MARCO: variants seen among roughly 807,000 people sequenced by gnomAD.
MARCO encodes macrophage receptor MARCO.
In MARCO, 72 loss-of-function variants were observed where a neutral mutation model predicts 70.0. That is an observed-to-expected ratio of 1.03 (90% CI 0.85 to 1.25). The LOEUF (loss-of-function observed/expected upper bound fraction) is 1.25, where lower values mean the gene tolerates loss of function less well. Ranked by LOEUF, MARCO falls within the 50% of genes most tolerant of loss-of-function variation. MARCO has a pLI of 0.00. For missense variants in MARCO, 696 were observed against 659.3 expected (o/e 1.06, Z -0.61); for synonymous variants, 273 against 243.1 (o/e 1.12, Z -1.14).
intron 6 of MARCO, 88 bp downstream of exon 6, chr2:118,974,653 A>G (rs1680244600): frequency 7.8e-7 from 1 of 1,285,476 alleles, no homozygotes; most frequent in Non-Finnish European, 1.1e-6. Context: ...CTCCCTCCAG[A>G]GTCTGGACCT....
At chr2:118,991,323 G>A (rs1002752994) in intron 13 of MARCO, among the ~76,000 whole-genome samples, 2 of 150,994 alleles carry the variant, frequency 1.3e-5, no homozygotes, top group South Asian at 4.2e-4. Context: ...AGTGGTGCCA[G>A]GACAGGATAG....
At chr2:118,982,326 C>A (rs369366689) in intron 11 of MARCO, 22 bp from the exon 12 acceptor site, 9 of 1,613,590 alleles carry the variant, frequency 5.6e-6, no homozygotes, top group Non-Finnish European at 7.6e-6. Context: ...CCCTTATGCT[C>A]TCTGTGGTGT....
At chr2:118,968,980 T>A (rs527424906) in intron 1 of MARCO, among the ~76,000 whole-genome samples, 180 bp from the exon 2 acceptor site, 1 of 152,306 alleles carries the variant, frequency 6.6e-6, no homozygotes, top group South Asian at 2.1e-4. Context: ...CAGTGGCAAT[T>A]TTTGCTTTGT....
chr2:118,953,253 A>T (rs1159607898), intron 1 of MARCO, among the ~76,000 whole-genome samples: 4 of 152,260 alleles, frequency 2.6e-5, no homozygotes, highest in African/African-American at 9.6e-5. Context: ...CAACAGTTAC[A>T]TAGGCTAGGG....
intron 4 of MARCO, among the ~76,000 whole-genome samples, chr2:118,973,082 C>A (rs1680204521): frequency 6.6e-6 from 1 of 152,122 alleles, no homozygotes; most frequent in Admixed American, 6.5e-5. Flanking sequence ...CTCTCCATGT[C>A]TCTCTCTCTG....
At chr2:118,970,435 G>A in intron 3 of MARCO, 97 bp downstream of exon 3, 1 of 931,442 alleles carries the variant, frequency 1.1e-6, no homozygotes, top group Non-Finnish European at 1.6e-6. Context: ...TCCAAGCAAA[G>A]TGTGACCTCC....
At chr2:118,951,759 A>G (rs1679726269) in intron 1 of MARCO, among the ~76,000 whole-genome samples, 1 of 152,206 alleles carries the variant, frequency 6.6e-6, no homozygotes, top group Admixed American at 6.5e-5. Flanking sequence ...TGACTAGGGT[A>G]CAGTTTTCTC....
intron 1 of MARCO, chr2:118,949,314 C>T (rs1179204494): frequency 6.6e-6 from 1 of 152,184 alleles, no homozygotes; most frequent in African/African-American, 2.4e-5. Flanking sequence ...GTTTAAAGTG[C>T]AAACAGAATA....
Position 118,993,159 on chromosome 2 carries a change from A to G in MARCO, c.1288A>G (p.Ser430Gly), listed in dbSNP as rs886329778. 6.2e-7 allele frequency: 1 copy of G among 1,614,124 alleles called. No homozygotes were observed. Among genetic ancestry groups the G allele is most frequent in the African/African-American group, 1.3e-5 (1 of 74,938 alleles). Reference sequence around the variant, plus strand: ...AGTGTCCGTCAGGATTGTCGGCAGTAGTAACCGAGGCCGGGCTGAAGTTTA... The same window carrying G: ...AGTGTCCGTCAGGATTGTCGGCAGTGGTAACCGAGGCCGGGCTGAAGTTTA... ...NSVSVRIVGS[S>G]NRGRAEVYYS... Residue 430 changes from serine to glycine, a missense_variant, in exon 16 of 17, where the codon AGT becomes GGT. Ser to Gly is a moderately conservative substitution (Grantham distance 56, BLOSUM62 0). This residue lies in a region of MARCO where 33 missense variants were observed against 59.6 expected (regional missense o/e 0.55). Coordinates refer to ENST00000327097, the MANE Select transcript of MARCO (RefSeq NM_006770.4).
intron 1 of MARCO, among the ~76,000 whole-genome samples, chr2:118,962,433 C>A (rs927609743): frequency 6.6e-6 from 1 of 151,974 alleles, no homozygotes; most frequent in African/African-American, 2.4e-5. Context: ...AGGTCCTTCA[C>A]GTCCTCTATT....
chr2:118,990,569 C>CGGGGGGGGGGTG lies in MARCO; in HGVS notation c.1064-20_1064-19insGGGGGGGGGGTG. 2.1e-6 allele frequency: 3 copies of CGGGGGGGGGGTG among 1,415,964 alleles called. No homozygotes were observed. The highest frequency in any genetic ancestry group is 1.9e-6 in the Non-Finnish European group (2 of 1,028,320). The allele number at this position is 1,415,964 out of a possible 1,614,324, so 87.7% of individuals were successfully genotyped here. ...AGTTTTATTATCTCCTCCCCCCCCC[C>CGGGGGGGGGGTG]TTTTTTGTTTTGATCTTAGGACTTC... On this transcript the variant is annotated intron_variant, in intron 12 of 16. Coordinates refer to ENST00000327097, the MANE Select transcript of MARCO (RefSeq NM_006770.4).
intron 6 of MARCO, among the ~76,000 whole-genome samples, chr2:118,975,690 ACACT>A (rs560753602): frequency 7.0e-4 from 107 of 152,158 alleles, no homozygotes; most frequent in Middle Eastern, 3.4e-3. Context: ...TTGCATTCTC[ACACT>A]CACTCACGCA....
intron 1 of MARCO, among the ~76,000 whole-genome samples, chr2:118,945,632 C>T (rs1679583187): frequency 1.3e-5 from 2 of 151,980 alleles, no homozygotes; most frequent in East Asian, 1.9e-4. Context: ...AAGCTGGTGT[C>T]CAACTCCTGA....
chr2:118,970,359 G>T, intron 3 of MARCO, 21 bp downstream of exon 3: 4 of 1,566,378 alleles, frequency 2.6e-6, no homozygotes, highest in Non-Finnish European at 3.5e-6. Flanking sequence ...CTCCCCTCTG[G>T]GTCAGGACTT....
intron 14 of MARCO, 45 bp downstream of exon 14, chr2:118,991,920 T>C (rs1449827308): frequency 7.5e-7 from 1 of 1,340,424 alleles, no homozygotes; most frequent in East Asian, 2.4e-5. Context: ...GACTGTGCTT[T>C]ACAGCCAGTT....
chr2:118,982,650 A>C (rs1680416738), intron 12 of MARCO, among the ~76,000 whole-genome samples: 1 of 152,144 alleles, frequency 6.6e-6, no homozygotes. Context: ...CCAAACCTCC[A>C]GCATCACGGA....
rs76048532 is a variant in MARCO at position 118,960,566 on chromosome 2, G to T, written c.98-8594G>T. Among the ~76,000 whole-genome samples, 560 of 151,916 alleles carry T rather than the reference G, an allele frequency of 3.7e-3. 8 individuals carry two copies. The highest frequency in any genetic ancestry group is 0.012 in the African/African-American group (512 of 41,456). On this transcript the variant is annotated intron_variant, in intron 1 of 16. Coordinates refer to ENST00000327097, the MANE Select transcript of MARCO (RefSeq NM_006770.4). ...AGTGCTTTTTCTGCACTAATTTTAT[G>T]GTTTTTCTTCTTTAGCTTGCTGATC...
chr2:118,955,212 A>G (rs1230976951), intron 1 of MARCO, among the ~76,000 whole-genome samples: 1 of 152,056 alleles, frequency 6.6e-6, no homozygotes, highest in African/African-American at 2.4e-5. Flanking sequence ...TTATATGAGA[A>G]GTGAAGGGAG....
At chr2:118,993,834 A>G (rs187131961) in intron 16 of MARCO, among the ~76,000 whole-genome samples, 8 of 152,328 alleles carry the variant, frequency 5.3e-5, no homozygotes, top group East Asian at 1.9e-4. Flanking sequence ...GACTCAGCCT[A>G]TATCTTTCAG....
Sources: allele counts gnomAD v4.1 joint callset (sites outside exome capture counted in the v4.1 genomes callset), GRCh38; gene constraint gnomAD v4.1.1; regional missense constraint gnomAD v4.1.1; transcripts MANE v1.5; gene names NCBI Gene and HGNC (gene_info 2026-07-23, HGNC 2026-07-21).